AKAP6: variants seen among roughly 807,000 people sequenced by gnomAD.
The protein encoded by AKAP6 is A-kinase anchoring protein 6.
In AKAP6, 58 loss-of-function variants were observed where a neutral mutation model predicts 188.5. The ratio of observed to expected loss-of-function variants is 0.31; its 90% confidence interval spans 0.25 to 0.38. The LOEUF is 0.38. AKAP6 is among the 10% of genes least tolerant of loss of function. AKAP6 has a pLI of 1.00. For synonymous variants in AKAP6, 989 were observed against 998.6 expected (o/e 0.99, Z 0.18); for missense variants, 2,710 against 2,740.0 (o/e 0.99, Z 0.24).
intron 4 of AKAP6, among the ~76,000 whole-genome samples, chr14:32,572,524 G>A (rs1233896414): frequency 6.6e-6 from 1 of 152,306 alleles, no homozygotes; most frequent in South Asian, 2.1e-4. Context: ...AGAGGGCAAA[G>A]GTAACCGCCC....
chr14:32,351,181 A>G (rs752025668), intron 1 of AKAP6, among the ~76,000 whole-genome samples: 13 of 152,228 alleles, frequency 8.5e-5, no homozygotes, highest in African/African-American at 1.9e-4. Context: ...TATATATCTT[A>G]TAGACATTAA....
intron 1 of AKAP6, among the ~76,000 whole-genome samples, chr14:32,406,298 C>T (rs1194089783): frequency 6.6e-6 from 1 of 152,160 alleles, no homozygotes; most frequent in Non-Finnish European, 1.5e-5. Context: ...TAACCTCTGC[C>T]TCCTGGGTTC....
rs147333885 is a variant in AKAP6, at chr14:32,674,294, T to G, written c.2731-4017T>G. On this transcript the variant is annotated intron_variant, in intron 7 of 13. Transcript: ENST00000280979. The stretch of plus-strand genomic sequence containing the variant: ...TAGAATTTTGTTTTTTAGGTCTGAA[T>G]GCAGTCTAAAACCAGCTCATGTTTT... Among the ~76,000 whole-genome samples the G allele has an allele frequency of 2.0e-3, 309 of 152,312 alleles. 2 individuals are homozygous for G. The highest frequency in any genetic ancestry group is 6.4e-3 in the South Asian group (31 of 4,826).
At position 32,535,769 on chromosome 14, in the gene AKAP6, G is replaced by A. The variant is rs35436895; in HGVS notation, c.540G>A (p.Thr180=). Residue 180 remains threonine (T), a synonymous_variant, in exon 3 of 14, where the codon ACG becomes ACA. Transcript: ENST00000280979. ...CCAATGGCAACTACACTAGGCAGAC[G>A]GACATTCTGCAAGCTTTCTCTGAAG... The part of the protein sequence containing the change: ...QDANGNYTRQ[T]DILQAFSEET... 93,777 of 1,613,480 alleles carry A rather than the reference G, an allele frequency of 0.058. 3,307 individuals are homozygous for A. Among genetic ancestry groups the A allele is most frequent in the African/African-American group, 0.15 (11,395 of 75,020 alleles).
chr14:32,465,140 A>G (rs1204180243), intron 2 of AKAP6, among the ~76,000 whole-genome samples: 1 of 152,228 alleles, frequency 6.6e-6, no homozygotes, highest in Non-Finnish European at 1.5e-5. Context: ...GGAAGAATCA[A>G]TATCATGAAA....
At chr14:32,703,034 A>T (rs952112421) in intron 9 of AKAP6, among the ~76,000 whole-genome samples, 1 of 152,198 alleles carries the variant, frequency 6.6e-6, no homozygotes, top group Non-Finnish European at 1.5e-5. Context: ...CACTTGAAGG[A>T]CTAATGCTAC....
At chr14:32,401,214 C>T (rs966040555) in intron 1 of AKAP6, among the ~76,000 whole-genome samples, 1 of 151,908 alleles carries the variant, frequency 6.6e-6, no homozygotes, top group African/African-American at 2.4e-5. Flanking sequence ...TTGGCTAGGT[C>T]CTGCCCTACT....
chr14:32,720,563 T>C (rs1219056521), intron 9 of AKAP6, among the ~76,000 whole-genome samples: 15 of 152,218 alleles, frequency 9.9e-5, no homozygotes, highest in Non-Finnish European at 4.4e-5. Context: ...ACTTAACTTG[T>C]TATTGGATTT....
At chr14:32,673,296 T>C (rs1385594984) in intron 7 of AKAP6, among the ~76,000 whole-genome samples, 1 of 152,226 alleles carries the variant, frequency 6.6e-6, no homozygotes, top group Non-Finnish European at 1.5e-5. Context: ...CTTGGACACT[T>C]GTAGTTATCT....
chr14:32,529,639 T>A (rs960594269), intron 2 of AKAP6, among the ~76,000 whole-genome samples: 1 of 152,210 alleles, frequency 6.6e-6, no homozygotes, highest in Non-Finnish European at 1.5e-5. Context: ...GTTGAGAAAG[T>A]TCCCCTGTAC....
At chr14:32,821,363 C>A in intron 12 of AKAP6, 39 bp from the exon 13 acceptor site, 4 of 1,531,690 alleles carry the variant, frequency 2.6e-6, no homozygotes, top group Non-Finnish European at 3.5e-6. Context: ...GCTTGTGTTC[C>A]CTAATTCTTC....
chr14:32,827,573 G>A (rs1445636867), intron 13 of AKAP6, among the ~76,000 whole-genome samples: 1 of 152,028 alleles, frequency 6.6e-6, no homozygotes, highest in Non-Finnish European at 1.5e-5. Flanking sequence ...TGATTTCCAG[G>A]CATACTGCTG....
At chr14:32,466,203 T>C (rs1363052425) in intron 2 of AKAP6, among the ~76,000 whole-genome samples, 1 of 152,218 alleles carries the variant, frequency 6.6e-6, no homozygotes, top group Non-Finnish European at 1.5e-5. Flanking sequence ...AAATACTATT[T>C]GACCCAACAG....
intron 2 of AKAP6, among the ~76,000 whole-genome samples, chr14:32,492,353 T>TAGAGAGAGAGAG (rs779414935): frequency 9.6e-5 from 5 of 52,258 alleles, no homozygotes; most frequent in African/African-American, 2.2e-4. Flanking sequence ...TATATATATA[T>TAGAGAGAGAGAG]ATAGAGAGAG....
chr14:32,342,829 G>A lies in AKAP6; in HGVS notation c.-35+13421G>A, dbSNP rs114158473. Among the ~76,000 whole-genome samples the A allele has an allele frequency of 5.5e-4, 83 of 152,264 alleles. 1 individual carries two copies. The highest frequency in any genetic ancestry group is 1.9e-3 in the African/African-American group (77 of 41,554). ...ATCGGAGAATTCTCCAAATTGATAT[G>A]TAAAGTTACTACATCCTAATTCAAG... On this transcript the variant is annotated intron_variant, in intron 1 of 13. Transcript: ENST00000280979.
intron 4 of AKAP6, among the ~76,000 whole-genome samples, chr14:32,570,501 A>G (rs1186220495): frequency 6.6e-6 from 1 of 152,066 alleles, no homozygotes; most frequent in African/African-American, 2.4e-5. Context: ...CTGTAGACTT[A>G]GTGAATAATA....
chr14:32,717,992 TATGG>T (rs1454019095), intron 9 of AKAP6, among the ~76,000 whole-genome samples: 1 of 152,156 alleles, frequency 6.6e-6, no homozygotes, highest in Admixed American at 6.5e-5. Context: ...TGTCACTTTG[TATGG>T]CATTCTTGAC....
Position 32,823,579 on chromosome 14 carries a change from A to G in AKAP6, c.5766A>G (p.Ser1922=), listed in dbSNP as rs2034590668. The stretch of plus-strand genomic sequence containing the variant: ...CAAAGGTATCAGAAAATCTTGGTTC[A>G]CATGGGAAAGAGATTTCAGAGAGTG... ...VTSKVSENLG[S]HGKEISESEH... Residue 1922 remains serine, a synonymous_variant, in exon 13 of 14, where the codon TCA becomes TCG. Transcript: ENST00000280979. 8 of 1,613,862 alleles carry G rather than the reference A, an allele frequency of 5.0e-6. No individual in the cohort carries two copies. The East Asian group carries it at 1.8e-4, about 36-fold the overall frequency.
At chr14:32,500,419 C>A (rs1880550636) in intron 2 of AKAP6, among the ~76,000 whole-genome samples, 1 of 152,134 alleles carries the variant, frequency 6.6e-6, no homozygotes, top group East Asian at 1.9e-4. Context: ...AGGGATAATA[C>A]AATAGTGAAC....
Sources: allele counts gnomAD v4.1 joint callset (sites outside exome capture counted in the v4.1 genomes callset), GRCh38; gene constraint gnomAD v4.1.1; transcripts MANE v1.5; gene names NCBI Gene and HGNC (gene_info 2026-07-23, HGNC 2026-07-21).